The following WWOX variants were observed in gnomAD, a reference collection of about 807,000 sequenced individuals.
WWOX encodes the protein WW domain containing oxidoreductase.
Under a neutral mutation model 46.2 loss-of-function variants are expected in WWOX, and 69 were observed. The observed-to-expected ratio is 1.49, with a 90% CI of 1.23 to 1.82. The LOEUF is 1.82. Among genes scored for constraint, WWOX ranks in the 40% most tolerant of loss-of-function variants. The pLI is 0.00. For missense variants in WWOX, 919 were observed against 542.6 expected, an observed-to-expected ratio of 1.69 and a Z score of -6.89; for synonymous variants, 359 against 202.6, an observed-to-expected ratio of 1.77 and a Z score of -6.56.
intron 8 of WWOX, among the ~76,000 whole-genome samples, chr16:78,743,585 A>G (rs551262598): frequency 1.3e-5 from 2 of 152,316 alleles, no homozygotes; most frequent in East Asian, 1.9e-4. Context: ...CAACTAAGTT[A>G]TAAAAGGACC....
chr16:78,791,659 C>G (rs936720006), intron 8 of WWOX, among the ~76,000 whole-genome samples: 8 of 152,170 alleles, frequency 5.3e-5, no homozygotes, highest in African/African-American at 1.9e-4. Flanking sequence ...GGGTGGATCA[C>G]CTGAGGTCAG....
chr16:78,637,748 G>C (rs1285262019), intron 8 of WWOX, among the ~76,000 whole-genome samples: 2 of 152,192 alleles, frequency 1.3e-5, no homozygotes, highest in African/African-American at 4.8e-5. Flanking sequence ...CACCTTTGGT[G>C]GCAGCTAAGA....
At chr16:78,466,142 C>T (rs559195821) in intron 8 of WWOX, among the ~76,000 whole-genome samples, 5 of 152,170 alleles carry the variant, frequency 3.3e-5, no homozygotes, top group African/African-American at 9.6e-5. Flanking sequence ...TGCCATTCTC[C>T]TGCCTCAGCC....
intron 8 of WWOX, among the ~76,000 whole-genome samples, chr16:78,958,567 G>C (rs1280696876): frequency 1.3e-5 from 2 of 152,208 alleles, no homozygotes; most frequent in African/African-American, 4.8e-5. Flanking sequence ...TCCAAAGTAA[G>C]CTGAACAGTG....
chr16:78,611,381 A>G (rs1345535999), intron 8 of WWOX, among the ~76,000 whole-genome samples: 1 of 152,204 alleles, frequency 6.6e-6, no homozygotes, highest in Non-Finnish European at 1.5e-5. Context: ...GGGGCCAAGG[A>G]GATTACTTGG....
chr16:78,407,933 A>G (rs2082587375), intron 6 of WWOX, among the ~76,000 whole-genome samples: 1 of 152,194 alleles, frequency 6.6e-6, no homozygotes, highest in Non-Finnish European at 1.5e-5. Flanking sequence ...AGAAAGTGTT[A>G]AGTAATGTAG....
intron 5 of WWOX, among the ~76,000 whole-genome samples, chr16:78,212,677 A>C (rs1426611440): frequency 6.6e-6 from 1 of 152,168 alleles, no homozygotes; most frequent in African/African-American, 2.4e-5. Context: ...AAAAGGACGC[A>C]AGATTTAGGA....
chr16:78,712,984 A>G (rs1414676461), intron 8 of WWOX, among the ~76,000 whole-genome samples: 2 of 152,072 alleles, frequency 1.3e-5, no homozygotes, highest in Non-Finnish European at 2.9e-5. Flanking sequence ...AATAGCTAGT[A>G]TCAGGCCTGG....
At chr16:79,135,155 A>G (rs1383493433) in intron 8 of WWOX, among the ~76,000 whole-genome samples, 1 of 152,222 alleles carries the variant, frequency 6.6e-6, no homozygotes, top group African/African-American at 2.4e-5. Context: ...ATACCTCCAA[A>G]ATAACCACTG....
intron 8 of WWOX, among the ~76,000 whole-genome samples, chr16:79,059,010 G>A (rs749917877): frequency 2.0e-5 from 3 of 152,136 alleles, no homozygotes; most frequent in Non-Finnish European, 4.4e-5. Flanking sequence ...CAGATTTATG[G>A]CTTCTTGTCA....
rs550808958 is a variant in WWOX, at chr16:78,492,194, TGTGTGCAC to T, written c.1056+59443_1056+59450del. On this transcript the variant is annotated intron_variant, in intron 8 of 8. Coordinates refer to ENST00000566780, the MANE Select transcript of WWOX (RefSeq NM_016373.4). ...AGCAGATAGTTCCATTAGGTGACAG[TGTGTGCAC>T]AGTTTATGGAGGATGAAGCGGGAAA... Among the ~76,000 whole-genome samples the T allele has an allele frequency of 8.3e-3, 1,264 of 152,322 alleles. 16 individuals are homozygous for T. The highest frequency in any genetic ancestry group is 9.2e-3 in the Non-Finnish European group (623 of 68,030).
intron 8 of WWOX, among the ~76,000 whole-genome samples, chr16:78,861,813 A>AG (rs1434146022): frequency 2.0e-5 from 3 of 152,232 alleles, no homozygotes; most frequent in Non-Finnish European, 4.4e-5. Context: ...TTGTTGAAAT[A>AG]GGTAAAGCAC....
At position 78,376,979 on chromosome 16, in the gene WWOX, C is replaced by A. The variant is rs990687907; in HGVS notation, c.517-9881C>A. On this transcript the variant is annotated intron_variant, in intron 5 of 8. Transcript: ENST00000566780. ...ATTGAATTTAACCACTATTGACTTG[C>A]GACTTGCGGCAATCACCAGATCCCA... 2.6e-5 allele frequency among the ~76,000 whole-genome samples: 4 copies of A among 152,176 alleles called. No homozygotes were observed. The East Asian group carries it at 7.7e-4, about 29-fold the overall frequency.
chr16:78,845,115 C>T (rs910149324), intron 8 of WWOX, among the ~76,000 whole-genome samples: 4 of 147,590 alleles, frequency 2.7e-5, no homozygotes, highest in Admixed American at 2.7e-4. Context: ...CATTCATGCA[C>T]TTTTTTTATC....
chr16:78,128,022 T>C (rs527869671), intron 4 of WWOX, among the ~76,000 whole-genome samples: 17 of 152,314 alleles, frequency 1.1e-4, no homozygotes, highest in Admixed American at 7.2e-4. Flanking sequence ...TGTGAAATGC[T>C]GTAATGAAGA....
intron 8 of WWOX, among the ~76,000 whole-genome samples, chr16:78,567,739 C>G (rs1165294573): frequency 1.3e-5 from 2 of 152,020 alleles, no homozygotes; most frequent in African/African-American, 4.8e-5. Flanking sequence ...GCCTCTGTGG[C>G]TGAGTCGGGG....
chr16:78,402,794 C>T (rs930118720), intron 6 of WWOX, among the ~76,000 whole-genome samples: 9 of 152,280 alleles, frequency 5.9e-5, no homozygotes, highest in East Asian at 3.9e-4. Flanking sequence ...CTCCTGACCT[C>T]GGAAATAATT....
chr16:78,832,097 C>T (rs1457903946), intron 8 of WWOX, among the ~76,000 whole-genome samples: 1 of 152,178 alleles, frequency 6.6e-6, no homozygotes, highest in Non-Finnish European at 1.5e-5. Context: ...TAGGGAGTGG[C>T]TTAGCTGGGT....
rs140481275 is a variant in WWOX at position 79,088,908 on chromosome 16, T to C, written c.1057-122700T>C. ...TGATCACCTCTTTTCCAAAGGATAC[T>C]TCCTATTGGAGTGTACTTTTAAAAT... On this transcript the variant is annotated intron_variant, in intron 8 of 8. Coordinates refer to ENST00000566780, the MANE Select transcript of WWOX (RefSeq NM_016373.4). Among the ~76,000 whole-genome samples, 792 of 152,344 alleles carry C rather than the reference T, an allele frequency of 5.2e-3. 27 individuals carry two copies. The highest frequency in any genetic ancestry group is 0.047 in the Admixed American group (713 of 15,306).
Sources: allele counts gnomAD v4.1 joint callset (sites outside exome capture counted in the v4.1 genomes callset), GRCh38; gene constraint gnomAD v4.1.1; transcripts MANE v1.5; gene names NCBI Gene and HGNC (gene_info 2026-07-23, HGNC 2026-07-21).